Variants in GLP2R observed in about 807,000 individuals in gnomAD.
GLP2R encodes the protein glucagon-like peptide 2 receptor.
In GLP2R, 59 loss-of-function variants were observed where a neutral mutation model predicts 68.2. The ratio of observed to expected loss-of-function variants is 0.87; its 90% CI spans 0.70 to 1.07. The LOEUF is 1.07. Ranked by LOEUF, GLP2R falls within the 50% of genes least tolerant of loss-of-function variation. GLP2R has a pLI of 0.00. For synonymous variants in GLP2R, 270 were observed against 265.4 expected, an observed-to-expected ratio of 1.02 and a Z score of -0.17; for missense variants, 548 against 677.4, an observed-to-expected ratio of 0.81 and a Z score of 2.12.
At chr17:9,826,436 C>A (rs1397526488) in intron 1 of GLP2R, among the ~76,000 whole-genome samples, 184 bp downstream of exon 1, 5 of 152,056 alleles carry the variant, frequency 3.3e-5, no homozygotes, top group African/African-American at 7.2e-5. Flanking sequence ...TGTCCTCAAA[C>A]CTTTTCTCTA....
intron 12 of GLP2R, among the ~76,000 whole-genome samples, chr17:9,888,243 G>A (rs563395496): frequency 1.3e-5 from 2 of 152,254 alleles, no homozygotes; most frequent in South Asian, 4.1e-4. Context: ...TGTGACAGAG[G>A]AAACAAGCTT....
intron 4 of GLP2R, among the ~76,000 whole-genome samples, chr17:9,851,798 C>A (rs748253447): frequency 1.5e-4 from 23 of 151,672 alleles, no homozygotes; most frequent in African/African-American, 5.6e-4. Context: ...AAAAAATGTT[C>A]TAAAAAGAGA....
chr17:9,878,465 G>C (rs891741610), intron 10 of GLP2R, among the ~76,000 whole-genome samples: 1 of 152,206 alleles, frequency 6.6e-6, no homozygotes, highest in African/African-American at 2.4e-5. Flanking sequence ...CCCTTGAAAT[G>C]TTCTCTCATT....
chr17:9,865,605 C>T (rs944103763), intron 9 of GLP2R, among the ~76,000 whole-genome samples: 2 of 152,150 alleles, frequency 1.3e-5, no homozygotes, highest in Admixed American at 1.3e-4. Flanking sequence ...TGGTGTTTCC[C>T]TCCTCCCATG....
chr17:9,857,309 C>T (rs2066942747), intron 5 of GLP2R, 114 bp from the exon 6 acceptor site: 6 of 879,244 alleles, frequency 6.8e-6, no homozygotes, highest in Non-Finnish European at 1.1e-5. Flanking sequence ...AGCTCTGCAG[C>T]CTATACTATG....
At chr17:9,833,041 T>A (rs959325374) in intron 1 of GLP2R, among the ~76,000 whole-genome samples, 2 of 152,040 alleles carry the variant, frequency 1.3e-5, no homozygotes, top group African/African-American at 4.8e-5. Flanking sequence ...GGTGGGCAGA[T>A]CACGAGGTCA....
chr17:9,867,402 A>C (rs1162767393), intron 9 of GLP2R, among the ~76,000 whole-genome samples: 1 of 152,246 alleles, frequency 6.6e-6, no homozygotes, highest in Non-Finnish European at 1.5e-5. Context: ...TGTTGGTACA[A>C]GGTTGCCTGT....
At chr17:9,854,376 C>T in intron 4 of GLP2R, 119 bp from the exon 5 acceptor site, 1 of 701,664 alleles carries the variant, frequency 1.4e-6, no homozygotes, top group Non-Finnish European at 2.6e-6. Flanking sequence ...GGGAAGGAAA[C>T]ATTTAAAAAA....
intron 3 of GLP2R, among the ~76,000 whole-genome samples, chr17:9,839,051 GTCAC>G (rs2066760017): frequency 1.3e-5 from 2 of 152,252 alleles, no homozygotes; most frequent in Non-Finnish European, 2.9e-5. Context: ...CTGGGTGTTA[GTCAC>G]TAGGGTTTCA....
At chr17:9,872,346 G>A (rs1170417361) in intron 10 of GLP2R, among the ~76,000 whole-genome samples, 1 of 152,182 alleles carries the variant, frequency 6.6e-6, no homozygotes, top group Non-Finnish European at 1.5e-5. Flanking sequence ...GGAGGCCAAG[G>A]TGGGCATATC....
intron 9 of GLP2R, 128 bp from the exon 10 acceptor site, chr17:9,870,619 C>A: frequency 1.5e-6 from 1 of 687,384 alleles, no homozygotes; most frequent in African/African-American, 1.8e-5. Flanking sequence ...ACCTGGCCAG[C>A]TAACTGCTGA....
At chr17:9,886,426 T>C (rs1046329664) in intron 11 of GLP2R, among the ~76,000 whole-genome samples, 1 of 152,150 alleles carries the variant, frequency 6.6e-6, no homozygotes, top group African/African-American at 2.4e-5. Flanking sequence ...AAAAGACACA[T>C]TTGTCATGTG....
At chr17:9,853,068 AT>A in intron 4 of GLP2R, 1 of 520,954 alleles carries the variant, frequency 1.9e-6, no homozygotes, top group Admixed American at 2.3e-5. Context: ...CTGTACAGAC[AT>A]TTTCAAAGTC....
In GLP2R at chr17:9,825,929, C is replaced by G; in HGVS notation, c.-135C>G. On this transcript the variant is annotated 5_prime_UTR_variant, in exon 1 of 13. Coordinates refer to ENST00000262441, the MANE Select transcript of GLP2R (RefSeq NM_004246.3). Reference sequence around the variant, plus strand: ...AGATTGCTCTAGACCGCCTCAGACACTCTCGGCGCAGCGTGGAGAGGATTT... The same window carrying G: ...AGATTGCTCTAGACCGCCTCAGACAGTCTCGGCGCAGCGTGGAGAGGATTT... 1 of 734,360 alleles carries G rather than the reference C, an allele frequency of 1.4e-6. No individual in the cohort carries two copies. Among genetic ancestry groups the G allele is most frequent in the Non-Finnish European group, 2.2e-6 (1 of 450,950 alleles). 45.5% of individuals were successfully genotyped at this position (734,360 alleles called of 1,614,324 possible). A position where few individuals can be genotyped will look rare whatever the true frequency, so the allele number is the denominator to read the frequency against.
chr17:9,826,984 G>A (rs1368144631), intron 1 of GLP2R, among the ~76,000 whole-genome samples: 1 of 152,114 alleles, frequency 6.6e-6, no homozygotes, highest in Non-Finnish European at 1.5e-5. Context: ...TGATTTTCCT[G>A]CCTCAGCCTC....
rs2066909021 is a variant in GLP2R at position 9,853,344 on chromosome 17, GGA to G, written c.505-1150_505-1149del. 3 of 190,040 alleles carry G rather than the reference GGA, an allele frequency of 1.6e-5. No individual in the cohort carries two copies. In the Admixed American group the frequency reaches 1.7e-4, roughly 11 times the overall value. 11.8% of individuals were successfully genotyped at this position (190,040 alleles called of 1,614,324 possible). On this transcript the variant is annotated intron_variant, in intron 4 of 12. Transcript: ENST00000262441. The stretch of plus-strand genomic sequence containing the variant: ...CACGTACTTAGGTGGGAGAAAAGGT[GGA>G]CAGAGATAAATGACTGCTGCTCCAG...
intron 1 of GLP2R, among the ~76,000 whole-genome samples, chr17:9,826,590 C>G (rs1424595346): frequency 6.6e-6 from 1 of 152,210 alleles, no homozygotes; most frequent in Non-Finnish European, 1.5e-5. Context: ...AATTGCTGCA[C>G]ATATCCTTCT....
chr17:9,874,323 C>T (rs1331318509), intron 10 of GLP2R, among the ~76,000 whole-genome samples: 1 of 151,962 alleles, frequency 6.6e-6, no homozygotes, highest in East Asian at 1.9e-4. Flanking sequence ...CTGGAAATTC[C>T]TTTTTTCCTC....
chr17:9,865,707 C>G lies in GLP2R; in HGVS notation c.1056+3617C>G, dbSNP rs969964635. The G allele has an allele frequency of 2.1e-5, 9 of 422,084 alleles. No individual in the cohort carries two copies. The Admixed American group carries it at 2.5e-4, about 12-fold the overall frequency. The allele number at this position is 422,084 out of a possible 1,614,324, so 26.1% of individuals were successfully genotyped here. ...GAAACTGAGTCCTTTATTAATCTCT[C>G]TATCCCCTACCCTCCACCCCCCTGC... On this transcript the variant is annotated intron_variant, in intron 9 of 12. Coordinates refer to ENST00000262441, the MANE Select transcript of GLP2R (RefSeq NM_004246.3).
Sources: gnomAD v4.1 joint callset for allele counts (sites outside exome capture counted in the v4.1 genomes callset) on GRCh38, gnomAD v4.1.1 for gene constraint, MANE v1.5 for transcripts, NCBI Gene and HGNC (gene_info 2026-07-23, HGNC 2026-07-21) for gene names.